Variants in CASTOR2 observed in about 807,000 individuals in gnomAD.
The protein encoded by CASTOR2 is cytosolic arginine sensor for mTORC1 subunit 2.
A neutral mutation model predicts 31.2 loss-of-function variants in CASTOR2; 8 were observed. That is an observed-to-expected ratio of 0.26 (90% CI 0.15 to 0.46). CASTOR2 has a LOEUF of 0.46. CASTOR2 is among the 20% of genes least tolerant of loss of function. The probability of loss-of-function intolerance (pLI) is 0.99; values close to 1 mark genes in which losing one functional copy is unlikely to be tolerated. For synonymous variants in CASTOR2, 162 were observed against 158.7 expected (o/e 1.02, Z -0.16); for missense variants, 216 against 382.1 (o/e 0.57, Z 3.62).
At chr7:75,024,089 A>G (rs1805069135) in intron 7 of CASTOR2, among the ~76,000 whole-genome samples, 1 of 152,002 alleles carries the variant, frequency 6.6e-6, no homozygotes, top group East Asian at 1.9e-4. Context: ...GCAGTTCGAT[A>G]CCAGCCTGGC....
chr7:75,001,398 C>A (rs1360978334), intron 1 of CASTOR2, among the ~76,000 whole-genome samples: 7 of 152,126 alleles, frequency 4.6e-5, no homozygotes, highest in Admixed American at 4.6e-4. Flanking sequence ...AGTTTTTTAA[C>A]AGCACTTAGC....
intron 1 of CASTOR2, among the ~76,000 whole-genome samples, chr7:74,979,392 A>ATT (rs56307933): frequency 2.9e-4 from 34 of 117,906 alleles, no homozygotes; most frequent in African/African-American, 4.5e-4. Flanking sequence ...ATGTTCCCAT[A>ATT]TTTTTTTTTT....
intron 1 of CASTOR2, among the ~76,000 whole-genome samples, chr7:74,993,509 G>T (rs1804262565): frequency 6.9e-6 from 1 of 144,308 alleles, no homozygotes; most frequent in African/African-American, 2.6e-5. Context: ...GGAGTGCAGT[G>T]GTGTGATCTC....
At chr7:74,990,895 G>A (rs1252076006) in intron 1 of CASTOR2, among the ~76,000 whole-genome samples, 63 of 151,998 alleles carry the variant, frequency 4.1e-4, no homozygotes, top group Middle Eastern at 3.4e-3. Context: ...GGGTGTGGTG[G>A]CACACGCCTA....
intron 2 of CASTOR2, among the ~76,000 whole-genome samples, chr7:75,009,087 G>T (rs1554439053): frequency 6.6e-6 from 1 of 151,896 alleles, no homozygotes; most frequent in Non-Finnish European, 1.5e-5. Context: ...CTCCCAAGTA[G>T]CTGGGATTAC....
At chr7:74,987,379 CAG>C (rs1804093652) in intron 1 of CASTOR2, among the ~76,000 whole-genome samples, 1 of 148,256 alleles carries the variant, frequency 6.7e-6, no homozygotes, top group Middle Eastern at 3.3e-3. Flanking sequence ...GCCTGGGCAA[CAG>C]AGTGAGATTC....
In CASTOR2 at chr7:74,999,787, T is replaced by G. The variant is rs1336693416; in HGVS notation, c.114-8207T>G. Among the ~76,000 whole-genome samples the G allele has an allele frequency of 2.0e-5, 3 of 151,920 alleles. No homozygotes were observed. The South Asian group carries it at 6.2e-4, about 32-fold the overall frequency. On this transcript the variant is annotated intron_variant, in intron 1 of 8. Transcript: ENST00000616305. ...TGCACACCACCATGCCCAGCTAATT[T>G]TTGTATTTTTAGTAGAGACGGGGTT...
intron 2 of CASTOR2, among the ~76,000 whole-genome samples, chr7:75,010,050 G>T (rs1554439211): frequency 3.9e-5 from 6 of 152,074 alleles, no homozygotes; most frequent in African/African-American, 1.2e-4. Flanking sequence ...GTAGAGGCGT[G>T]TACTGCTGTG....
At chr7:75,017,512 C>T in intron 2 of CASTOR2, 86 bp from the exon 3 acceptor site, 2 of 1,474,426 alleles carry the variant, frequency 1.4e-6, no homozygotes, top group South Asian at 1.2e-5. Context: ...CAGAGCATCA[C>T]TCTCCACCTC....
At position 75,025,442 on chromosome 7, in the gene CASTOR2, C is replaced by T. The variant is rs997347385; in HGVS notation, c.*743C>T. Among the ~76,000 whole-genome samples the T allele has an allele frequency of 6.6e-6, 1 of 152,222 alleles. No individual in the cohort carries two copies. The highest frequency in any genetic ancestry group is 2.4e-5 in the African/African-American group (1 of 41,474). On this transcript the variant is annotated 3_prime_UTR_variant, in exon 9 of 9. Coordinates refer to ENST00000616305, the MANE Select transcript of CASTOR2 (RefSeq NM_001145064.3). ...TCCCAGGAGACCCACCAGCCTGGAGCACCAGCTCCTGTCCCCTCGGCTCTC... is the reference window on the plus strand; with the variant it reads ...TCCCAGGAGACCCACCAGCCTGGAGTACCAGCTCCTGTCCCCTCGGCTCTC...
rs1178084776 is a variant in CASTOR2 at position 75,026,188 on chromosome 7, G to GTTTTTTTTTTTTTTT, written c.*1489_*1490insTTTTTTTTTTTTTTT. 6.3e-4 allele frequency among the ~76,000 whole-genome samples: 71 copies of GTTTTTTTTTTTTTTT among 113,242 alleles called. No individual in the cohort carries two copies. The highest frequency in any genetic ancestry group is 8.5e-4 in the Non-Finnish European group (44 of 51,482). 74.3% of individuals were successfully genotyped at this position (113,242 alleles called of 152,430 possible). ...CCCCTGTGGTTTTGGCTCTGGCGGG[G>GTTTTTTTTTTTTTTT]GTTTTTTTTTTTTTTTTTGAGATGG... is the stretch of plus-strand genomic sequence containing the variant. On this transcript the variant is annotated 3_prime_UTR_variant, in exon 9 of 9. Coordinates refer to ENST00000616305, the MANE Select transcript of CASTOR2 (RefSeq NM_001145064.3).
rs1032039664 is a variant in CASTOR2, at chr7:75,025,712, T to C, written c.*1013T>C. Among the ~76,000 whole-genome samples, 1 of 152,250 alleles carries C rather than the reference T, an allele frequency of 6.6e-6. No individual in the cohort carries two copies. Among genetic ancestry groups the C allele is most frequent in the Admixed American group, 6.5e-5 (1 of 15,286 alleles). On this transcript the variant is annotated 3_prime_UTR_variant, in exon 9 of 9. Transcript: ENST00000616305. ...AGGAGGCAGCTTAACTGAGCCTTAA[T>C]AGAGAAAACCATACTTTGTTTTAGT...
In CASTOR2 at chr7:74,974,144, C is replaced by T. The variant is rs1164883603; in HGVS notation, c.113+9046C>T. 2.3e-5 allele frequency among the ~76,000 whole-genome samples: 3 copies of T among 131,332 alleles called. No individual in the cohort carries two copies. The East Asian group carries it at 7.2e-4, about 32-fold the overall frequency. 86.2% of individuals were successfully genotyped at this position (131,332 alleles called of 152,430 possible). On this transcript the variant is annotated intron_variant, in intron 1 of 8. Transcript: ENST00000616305. Reference sequence around the variant, plus strand: ...GAACTATCCAGATATCTTCCTGCCTCCTGCCTCCTGCTTCTAGGGCGGCTC... The same window carrying T: ...GAACTATCCAGATATCTTCCTGCCTTCTGCCTCCTGCTTCTAGGGCGGCTC...
intron 2 of CASTOR2, among the ~76,000 whole-genome samples, chr7:75,013,536 G>T (rs1268180609): frequency 6.6e-6 from 1 of 152,076 alleles, no homozygotes; most frequent in Non-Finnish European, 1.5e-5. Context: ...CCAGCTACTC[G>T]GTGGGCTGCG....
At chr7:75,010,492 C>G (rs1267802144) in intron 2 of CASTOR2, among the ~76,000 whole-genome samples, 6 of 152,038 alleles carry the variant, frequency 3.9e-5, no homozygotes, top group South Asian at 2.1e-4. Flanking sequence ...TGAGTAAGCT[C>G]TCTTCAAATA....
chr7:74,967,494 A>G (rs1188540058), intron 1 of CASTOR2, among the ~76,000 whole-genome samples: 1 of 145,094 alleles, frequency 6.9e-6, no homozygotes, highest in Non-Finnish European at 1.5e-5. Context: ...TTTAGCCCAG[A>G]CTAGCACAGC....
rs1407394713 is a variant in CASTOR2 at position 75,009,476 on chromosome 7, A to G, written c.184+1412A>G. 4.1e-3 allele frequency among the ~76,000 whole-genome samples: 599 copies of G among 144,358 alleles called. 3 individuals are homozygous for G. Among genetic ancestry groups the G allele is most frequent in the Middle Eastern group, 0.012 (3 of 246 alleles). The allele number at this position is 144,358 out of a possible 152,430, so 94.7% of individuals were successfully genotyped here. ...GTAGAGATGGGGTTTCACCGTGTTAACCAGGATGGTCTCGATCTCCTGACC... is the reference window on the plus strand; with the variant it reads ...GTAGAGATGGGGTTTCACCGTGTTAGCCAGGATGGTCTCGATCTCCTGACC... On this transcript the variant is annotated intron_variant, in intron 2 of 8. Transcript: ENST00000616305.
chr7:74,981,864 C>G (rs1240901615), intron 1 of CASTOR2, among the ~76,000 whole-genome samples: 1 of 137,390 alleles, frequency 7.3e-6, no homozygotes, highest in African/African-American at 2.8e-5. Flanking sequence ...GCCAGGAATT[C>G]AAGACCATTT....
At chr7:74,970,303 G>A (rs1474224029) in intron 1 of CASTOR2, among the ~76,000 whole-genome samples, 10 of 146,254 alleles carry the variant, frequency 6.8e-5, no homozygotes, top group African/African-American at 1.7e-4. Flanking sequence ...TGGACTAGGC[G>A]AGGAATGTGC....
Sources: gnomAD v4.1 joint callset for allele counts (sites outside exome capture counted in the v4.1 genomes callset) on GRCh38, gnomAD v4.1.1 for gene constraint, MANE v1.5 for transcripts, NCBI Gene and HGNC (gene_info 2026-07-23, HGNC 2026-07-21) for gene names.